Variants in HDAC2 observed in about 807,000 individuals in gnomAD.
HDAC2 encodes the protein histone deacetylase 2.
HDAC2 carries 5 observed loss-of-function variants against 68.5 expected under a neutral mutation model. The ratio of observed to expected loss-of-function variants is 0.07; its 90% confidence interval spans 0.04 to 0.15. The LOEUF is 0.15. HDAC2 is among the 10% of genes least tolerant of loss of function. HDAC2 has a pLI of 1.00. For synonymous variants in HDAC2, 182 were observed against 191.3 expected (o/e 0.95, Z 0.40); for missense variants, 291 against 600.8 (o/e 0.48, Z 5.39).
intron 1 of HDAC2, 64 bp downstream of exon 1, chr6:113,970,793 C>T (rs921372537): frequency 6.9e-7 from 1 of 1,449,198 alleles, no homozygotes; most frequent in Admixed American, 2.9e-5. Flanking sequence ...CCACTCGCGA[C>T]GGCAGCCGCG....
chr6:113,940,799 A>G lies in HDAC2; in HGVS notation c.*259T>C. 1 of 344,870 alleles carries G rather than the reference A, an allele frequency of 2.9e-6. No individual in the cohort carries two copies. The highest frequency in any genetic ancestry group is 8.8e-5 in the South Asian group (1 of 11,346). 21.4% of individuals were successfully genotyped at this position (344,870 alleles called of 1,614,324 possible). On this transcript the variant is annotated 3_prime_UTR_variant, in exon 14 of 14. Transcript: ENST00000519065. ...AGGCCAATTACTTCTTTAATAGATC[A>G]GTTTTTTTGACATAATAACTCACAT...
chr6:113,957,403 T>A (rs1486632494), intron 3 of HDAC2: 1 of 152,238 alleles, frequency 6.6e-6, no homozygotes, highest in Non-Finnish European at 1.5e-5. Context: ...TTGTTTTGTA[T>A]ATTAATATCT....
At position 113,971,071 on chromosome 6, in the gene HDAC2, G is replaced by C; in HGVS notation, c.-163C>G. 1 of 1,555,008 alleles carries C rather than the reference G, an allele frequency of 6.4e-7. No homozygotes were observed. The highest frequency in any genetic ancestry group is 8.7e-7 in the Non-Finnish European group (1 of 1,148,548). Reference sequence around the variant, plus strand: ...GTGGGAGGAGAGGAGGGGGCGCCGGGAAGGCTCGGTACCACCCGGCAGAGG... The same window carrying C: ...GTGGGAGGAGAGGAGGGGGCGCCGGCAAGGCTCGGTACCACCCGGCAGAGG... On this transcript the variant is annotated 5_prime_UTR_variant, in exon 1 of 14. Coordinates refer to ENST00000519065, the MANE Select transcript of HDAC2 (RefSeq NM_001527.4).
At chr6:113,965,839 A>G (rs1776801530) in intron 1 of HDAC2, among the ~76,000 whole-genome samples, 1 of 152,218 alleles carries the variant, frequency 6.6e-6, no homozygotes, top group Non-Finnish European at 1.5e-5. Flanking sequence ...ATACAGAGGA[A>G]TAAGGCTTAA....
intron 5 of HDAC2, among the ~76,000 whole-genome samples, chr6:113,954,603 A>T (rs906471376): frequency 4.6e-5 from 7 of 152,264 alleles, no homozygotes; most frequent in Non-Finnish European, 1.0e-4. Context: ...TGGAACCAAC[A>T]TCAACAGTCA....
In HDAC2 at chr6:113,971,076, C is replaced by G; in HGVS notation, c.-168G>C. 6.4e-7 allele frequency: 1 copy of G among 1,553,452 alleles called. No homozygotes were observed. The highest frequency in any genetic ancestry group is 8.7e-7 in the Non-Finnish European group (1 of 1,147,744). The stretch of plus-strand genomic sequence containing the variant: ...AGGAGAGGAGGGGGCGCCGGGAAGG[C>G]TCGGTACCACCCGGCAGAGGTGCCG... On this transcript the variant is annotated 5_prime_UTR_variant, in exon 1 of 14. Transcript: ENST00000519065.
chr6:113,969,615 T>C (rs1776925945), intron 1 of HDAC2: 1 of 152,208 alleles, frequency 6.6e-6, no homozygotes, highest in Non-Finnish European at 1.5e-5. Context: ...TAACCTACTA[T>C]AAACTATTTA....
At chr6:113,965,625 C>G (rs1018684351) in intron 1 of HDAC2, among the ~76,000 whole-genome samples, 1 of 152,210 alleles carries the variant, frequency 6.6e-6, no homozygotes, top group African/African-American at 2.4e-5. Context: ...CCCGCCTCGG[C>G]TTCCCAAAGT....
intron 8 of HDAC2, 111 bp downstream of exon 8, chr6:113,948,868 G>A: frequency 8.6e-7 from 1 of 1,158,270 alleles, no homozygotes; most frequent in Non-Finnish European, 1.2e-6. Context: ...AAAATGCAGA[G>A]TACAGTGTTA....
At chr6:113,958,413 G>T in intron 3 of HDAC2, 1 of 355,446 alleles carries the variant, frequency 2.8e-6, no homozygotes, top group East Asian at 6.3e-5. Context: ...GTTATCAGGG[G>T]AGCAAACTAG....
intron 1 of HDAC2, among the ~76,000 whole-genome samples, chr6:113,967,522 A>T (rs1333550508): frequency 6.6e-6 from 1 of 152,184 alleles, no homozygotes; most frequent in East Asian, 1.9e-4. Flanking sequence ...CTGATTATGC[A>T]TCCCTCTCAG....
intron 1 of HDAC2, chr6:113,970,575 C>T (rs372971563): frequency 1.7e-5 from 21 of 1,260,988 alleles, no homozygotes; most frequent in Non-Finnish European, 2.1e-5. Context: ...GCGCCGTCCC[C>T]AGCGGCGGCC....
intron 3 of HDAC2, 29 bp downstream of exon 3, chr6:113,958,620 G>T: frequency 2.7e-6 from 3 of 1,115,290 alleles, no homozygotes; most frequent in Non-Finnish European, 4.0e-6. Flanking sequence ...ATTTATCAAA[G>T]CAAAACTACT....
At position 113,959,736 on chromosome 6, in the gene HDAC2, C is replaced by T. The variant is rs985876447; in HGVS notation, c.165+170G>A. 3.4e-5 allele frequency: 17 copies of T among 503,042 alleles called. No individual in the cohort carries two copies. The Admixed American group carries it at 5.1e-4, about 15-fold the overall frequency. 31.2% of individuals were successfully genotyped at this position (503,042 alleles called of 1,614,324 possible). ...AAGGAAAAGGAAAAAGAGGGTATAG[C>T]TCTCATTCTTATTCATCTCCTAAGA... is the stretch of plus-strand genomic sequence containing the variant. On this transcript the variant is annotated intron_variant, in intron 2 of 13. Transcript: ENST00000519065.
In HDAC2 at chr6:113,935,687, T is replaced by C. The variant is rs887386902; in HGVS notation, c.*5371A>G. On this transcript the variant is annotated 3_prime_UTR_variant, in exon 14 of 14. Transcript: ENST00000519065. ...CTACTCATTTTACCTTAGAAATAAT[T>C]ATACATTTCTTTAACATTTAGAGTA... is the stretch of plus-strand genomic sequence containing the variant. The C allele has an allele frequency of 1.3e-5, 2 of 152,232 alleles. No homozygotes were observed. Among genetic ancestry groups the C allele is most frequent in the Admixed American group, 1.3e-4 (2 of 15,290 alleles). The allele number at this position is 152,232 out of a possible 1,614,324, so 9.4% of individuals were successfully genotyped here. A position where few individuals can be genotyped will look rare whatever the true frequency, so the allele number is the denominator to read the frequency against.
chr6:113,965,464 G>A (rs553619263), intron 1 of HDAC2, among the ~76,000 whole-genome samples: 4 of 151,996 alleles, frequency 2.6e-5, no homozygotes, highest in Non-Finnish European at 5.9e-5. Flanking sequence ...TGCCTCCCGG[G>A]TTCAAGCGAT....
In HDAC2 at chr6:113,933,304, A is replaced by AG. The variant is rs1165432039; in HGVS notation, c.*7753_*7754insC. 2.6e-5 allele frequency: 4 copies of AG among 152,318 alleles called. No individual in the cohort carries two copies. Among genetic ancestry groups the AG allele is most frequent in the African/African-American group, 9.6e-5 (4 of 41,572 alleles). 9.4% of individuals were successfully genotyped at this position (152,318 alleles called of 1,614,324 possible). On this transcript the variant is annotated 3_prime_UTR_variant, in exon 14 of 14. Coordinates refer to ENST00000519065, the MANE Select transcript of HDAC2 (RefSeq NM_001527.4). ...TTCTTGCCCAAAACATGCAACCTAT[A>AG]TCTAACCATGAAGAAACATCAGACA...
chr6:113,948,912 T>C, intron 8 of HDAC2, 67 bp downstream of exon 8: 1 of 1,560,528 alleles, frequency 6.4e-7, no homozygotes, highest in Non-Finnish European at 8.7e-7. Context: ...TGAGAACTTT[T>C]ACGGGGAGTT....
chr6:113,956,201 T>C (rs752560857), intron 4 of HDAC2, 50 bp from the exon 5 acceptor site: 3 of 1,486,844 alleles, frequency 2.0e-6, no homozygotes, highest in Non-Finnish European at 1.8e-6. Context: ...CATAAAAAAG[T>C]AGTAGAATGA....
Sources: gnomAD v4.1 joint callset for allele counts (sites outside exome capture counted in the v4.1 genomes callset) on GRCh38, gnomAD v4.1.1 for gene constraint, MANE v1.5 for transcripts, NCBI Gene and HGNC (gene_info 2026-07-23, HGNC 2026-07-21) for gene names.